EXD2: variants seen among roughly 807,000 people sequenced by gnomAD.
EXD2 encodes exonuclease 3'-5' domain-containing protein 2.
EXD2 carries 40 observed loss-of-function variants against 62.5 expected under a neutral mutation model. That is an observed-to-expected ratio of 0.64 (90% CI 0.50 to 0.83). The LOEUF (loss-of-function observed/expected upper bound fraction) is 0.83, where lower values mean the gene tolerates loss of function less well. Among genes scored for constraint, EXD2 ranks in the 40% least tolerant of loss-of-function variants. EXD2 has a pLI of 0.00. For missense variants in EXD2, 671 were observed against 761.8 expected, an observed-to-expected ratio of 0.88 and a Z score of 1.40; for synonymous variants, 239 against 291.9, an observed-to-expected ratio of 0.82 and a Z score of 1.85.
At chr14:69,229,552 C>T (rs114780250) in intron 4 of EXD2, among the ~76,000 whole-genome samples, 1 of 152,084 alleles carries the variant, frequency 6.6e-6, no homozygotes, top group Admixed American at 6.5e-5. Context: ...TGCCAGAGTC[C>T]CCACCACTCC....
chr14:69,237,801 A>C lies in EXD2; in HGVS notation c.1519A>C (p.Arg507=). 6.2e-7 allele frequency: 1 copy of C among 1,613,722 alleles called. No individual in the cohort carries two copies. Among genetic ancestry groups the C allele is most frequent in the Non-Finnish European group, 8.5e-7 (1 of 1,179,902 alleles). The part of the protein sequence containing the change: ...PERRQVRSGA[R]ALLNAESLPT... The stretch of plus-strand genomic sequence containing the variant: ...GCGCCGGCAGGTGCGTTCTGGGGCC[A>C]GGGCCCTGCTCAACGCGGAGAGCCT... The change falls in exon 9 of 10, where the codon AGG becomes CGG. Residue 507 remains arginine (R), a synonymous_variant. Coordinates refer to ENST00000685843, the MANE Select transcript of EXD2 (RefSeq NM_001193360.2).
chr14:69,193,050 TTCTC>T (rs71446377), intron 1 of EXD2, among the ~76,000 whole-genome samples: 2 of 147,982 alleles, frequency 1.4e-5, no homozygotes, highest in African/African-American at 2.5e-5. Context: ...ATTTCCTCCA[TTCTC>T]TCTCTCTTTT....
chr14:69,214,228 G>C (rs981124126), intron 3 of EXD2: 1 of 151,984 alleles, frequency 6.6e-6, no homozygotes, highest in African/African-American at 2.4e-5. Context: ...TTGAGTTTAT[G>C]GTTCTGAAGG....
intron 3 of EXD2, among the ~76,000 whole-genome samples, chr14:69,222,086 CA>C (rs749899197): frequency 0.02 from 2,573 of 129,274 alleles, 46 homozygotes; most frequent in African/African-American, 0.055. Context: ...GACTCTATCT[CA>C]AAAAAAAAAA....
intron 3 of EXD2, among the ~76,000 whole-genome samples, chr14:69,226,641 G>A (rs1274939218): frequency 6.6e-6 from 1 of 152,106 alleles, no homozygotes; most frequent in African/African-American, 2.4e-5. Flanking sequence ...CCAGCTACTC[G>A]GGAGGCTGAG....
At chr14:69,219,918 G>T (rs993477102) in intron 3 of EXD2, among the ~76,000 whole-genome samples, 14 of 152,078 alleles carry the variant, frequency 9.2e-5, no homozygotes, top group Admixed American at 7.2e-4. Flanking sequence ...ATCTCAAAAT[G>T]ACAGCTTTTA....
chr14:69,237,625 A>G lies in EXD2; in HGVS notation c.1343A>G (p.Lys448Arg), dbSNP rs1304226847. The change falls in exon 9 of 10, where the codon AAG (lysine) becomes AGG (arginine). Residue 448 changes from lysine to arginine, a missense_variant. Coordinates refer to ENST00000685843, the MANE Select transcript of EXD2 (RefSeq NM_001193360.2). ...CGGAAGCACTTCCCCATCGAGATGA[A>G]GGACCACAACTCCCACGATGTGCTG... The part of the protein sequence containing the change: ...EYRKHFPIEM[K>R]DHNSHDVLLL... 6.2e-7 allele frequency: 1 copy of G among 1,614,166 alleles called. No individual in the cohort carries two copies. Among genetic ancestry groups the G allele is most frequent in the East Asian group, 2.2e-5 (1 of 44,886 alleles).
intron 5 of EXD2, among the ~76,000 whole-genome samples, chr14:69,230,834 G>A (rs774625604): frequency 1.2e-4 from 19 of 152,160 alleles, no homozygotes; most frequent in Non-Finnish European, 2.5e-4. Flanking sequence ...CCAAGCTGGA[G>A]TGCAGTGGTA....
intron 1 of EXD2, among the ~76,000 whole-genome samples, chr14:69,199,870 A>G (rs2042331998): frequency 6.6e-6 from 1 of 152,240 alleles, no homozygotes; most frequent in African/African-American, 2.4e-5. Flanking sequence ...ACACCGTAAA[A>G]TAAAAAATAT....
chr14:69,205,384 A>G (rs2042556665), intron 2 of EXD2, among the ~76,000 whole-genome samples: 5 of 152,118 alleles, frequency 3.3e-5, no homozygotes, highest in Admixed American at 6.6e-5. Context: ...TCTGTCTACT[A>G]CATTCTGGTG....
intron 5 of EXD2, among the ~76,000 whole-genome samples, chr14:69,232,940 G>T (rs952032396): frequency 2.6e-5 from 4 of 152,136 alleles, no homozygotes; most frequent in African/African-American, 9.7e-5. Flanking sequence ...TCATAGTCAA[G>T]AAATCATTGC....
chr14:69,233,813 T>C (rs2043675750), intron 5 of EXD2, among the ~76,000 whole-genome samples: 1 of 151,078 alleles, frequency 6.6e-6, no homozygotes, highest in South Asian at 2.1e-4. Flanking sequence ...TCTCCTAGGC[T>C]GGAGTGCAGT....
At chr14:69,208,173 C>T (rs1042564984) in intron 2 of EXD2, among the ~76,000 whole-genome samples, 1 of 149,724 alleles carries the variant, frequency 6.7e-6, no homozygotes, top group Non-Finnish European at 1.5e-5. Flanking sequence ...CCTGGGATTA[C>T]AGGCATGAGC....
At chr14:69,201,806 C>T (rs760267473) in intron 1 of EXD2, among the ~76,000 whole-genome samples, 7 of 150,182 alleles carry the variant, frequency 4.7e-5, no homozygotes, top group Non-Finnish European at 1.0e-4. Context: ...CCTCAGCCTC[C>T]TGAGTAGCTG....
At chr14:69,230,436 C>A (rs776441091) in intron 4 of EXD2, 36 bp from the exon 5 acceptor site, 1 of 1,491,606 alleles carries the variant, frequency 6.7e-7, no homozygotes, top group South Asian at 1.3e-5. Flanking sequence ...TGTCCTTTGC[C>A]CGTTTTTGAT....
Position 69,234,819 on chromosome 14 carries a change from A to C in EXD2, c.837A>C (p.Lys279Asn), listed in dbSNP as rs1365132749. ...EKNDDHSSWR[K>N]VLEKCQGVVD... ...ACGATGACCACAGTAGCTGGAGAAA[A>C]GTCTTGGAAAAATGCCAGGGTGTGG... The change falls in exon 6 of 10, where the codon AAA (lysine) becomes AAC (asparagine). Residue 279 changes from lysine (K) to asparagine (N), a missense_variant. By Grantham distance (94) the Lys-to-Asn change is moderately conservative. Transcript: ENST00000685843. 19 of 1,614,094 alleles carry C rather than the reference A, an allele frequency of 1.2e-5. No homozygotes were observed. Among genetic ancestry groups the C allele is most frequent in the Non-Finnish European group, 1.0e-5 (12 of 1,180,046 alleles).
rs924499799 is a variant in EXD2 at position 69,231,428 on chromosome 14, C to T, written c.717+830C>T. Reference sequence around the variant, plus strand: ...CCCCTGTCCCCGGACAAATACTTCTCTTCCCCATCCTCCCAATTTAGGTAA... The same window carrying T: ...CCCCTGTCCCCGGACAAATACTTCTTTTCCCCATCCTCCCAATTTAGGTAA... On this transcript the variant is annotated intron_variant, in intron 5 of 9. Transcript: ENST00000685843. Among the ~76,000 whole-genome samples, 3 of 152,334 alleles carry T rather than the reference C, an allele frequency of 2.0e-5. No individual in the cohort carries two copies. In the South Asian group the frequency reaches 6.2e-4, roughly 32 times the overall value.
chr14:69,234,958 G>A lies in EXD2; in HGVS notation c.976G>A (p.Val326Met), dbSNP rs887983719. The change falls in exon 6 of 10, where the codon GTG (valine) becomes ATG (methionine). Residue 326 changes from valine (V) to methionine (M), a missense_variant. Physicochemically the swap from Val to Met is conservative, Grantham distance 21. Transcript: ENST00000685843. ...TAAGAAGTCTAAGATGGATGGGATG[G>A]TGCCAGGCAACCACCAAGGGAGAGA... ...RNKKSKMDGMVPGNHQGRDPR... is the reference protein window; with the variant it reads ...RNKKSKMDGMMPGNHQGRDPR... 26 of 1,613,616 alleles carry A rather than the reference G, an allele frequency of 1.6e-5. No individual in the cohort carries two copies. Among genetic ancestry groups the A allele is most frequent in the Non-Finnish European group, 2.2e-5 (26 of 1,179,788 alleles).
intron 3 of EXD2, among the ~76,000 whole-genome samples, chr14:69,213,069 T>C (rs1200287243): frequency 1.3e-5 from 2 of 149,320 alleles, no homozygotes; most frequent in Non-Finnish European, 3.0e-5. Context: ...TACCTTCCTG[T>C]ATTCTTCTTC....
Sources: gnomAD v4.1 joint callset for allele counts (sites outside exome capture counted in the v4.1 genomes callset) on GRCh38, gnomAD v4.1.1 for gene constraint, MANE v1.5 for transcripts, NCBI Gene and HGNC (gene_info 2026-07-23, HGNC 2026-07-21) for gene names.